HSD17B13: variants seen among roughly 807,000 people sequenced by gnomAD.
HSD17B13 encodes hydroxysteroid 17-beta dehydrogenase 13.
A neutral mutation model predicts 31.1 loss-of-function variants in HSD17B13; 26 were observed. The ratio of observed to expected loss-of-function variants is 0.84; its 90% CI spans 0.61 to 1.16. The LOEUF is 1.16. Among genes scored for constraint, HSD17B13 ranks in the 50% most tolerant of loss-of-function variants. The pLI is 0.00. For missense variants in HSD17B13, 374 were observed against 366.5 expected, an observed-to-expected ratio of 1.02 and a Z score of -0.17; for synonymous variants, 141 against 133.7, an observed-to-expected ratio of 1.05 and a Z score of -0.38.
At chr4:87,308,388 G>T (rs933038024) in intron 6 of HSD17B13, among the ~76,000 whole-genome samples, 1 of 149,286 alleles carries the variant, frequency 6.7e-6, no homozygotes, top group Non-Finnish European at 1.5e-5. Flanking sequence ...GGTGGCTCAC[G>T]CCTGTAATCC....
intron 1 of HSD17B13, among the ~76,000 whole-genome samples, chr4:87,322,314 T>G (rs1734807069): frequency 6.6e-6 from 1 of 152,174 alleles, no homozygotes; most frequent in African/African-American, 2.4e-5. Flanking sequence ...GCCCATCCCC[T>G]AAGTTATTAT....
intron 2 of HSD17B13, among the ~76,000 whole-genome samples, chr4:87,317,743 C>T (rs139379809): frequency 6.6e-6 from 1 of 151,482 alleles, no homozygotes; most frequent in East Asian, 1.9e-4. Context: ...GTTTCATAAC[C>T]TAATAACTAC....
At position 87,309,308 on chromosome 4, in the gene HSD17B13, C is replaced by T. The variant is rs78707818; in HGVS notation, c.812+935G>A. Among the ~76,000 whole-genome samples, 2,989 of 141,860 alleles carry T rather than the reference C, an allele frequency of 0.021. 251 individuals are homozygous for T. In the East Asian group the frequency reaches 0.29, roughly 14 times the overall value. The allele number at this position is 141,860 out of a possible 152,430, so 93.1% of individuals were successfully genotyped here. The stretch of plus-strand genomic sequence containing the variant: ...CTGAGGCAGGAGAATCACTTGAAGC[C>T]AGGAGGCAGAAGCTGCAGTGAGCCA... On this transcript the variant is annotated intron_variant, in intron 6 of 6. Transcript: ENST00000328546.
At chr4:87,312,618 C>T (rs1214016671) in intron 5 of HSD17B13, among the ~76,000 whole-genome samples, 1 of 149,010 alleles carries the variant, frequency 6.7e-6, no homozygotes, top group East Asian at 2.0e-4. Context: ...CAAGCTCCGC[C>T]TCCCGGGTTC....
chr4:87,314,182 G>A (rs576757873), intron 4 of HSD17B13, among the ~76,000 whole-genome samples: 10 of 151,528 alleles, frequency 6.6e-5, no homozygotes, highest in African/African-American at 2.4e-4. Context: ...GATAACAAAA[G>A]AACAAAAATA....
At chr4:87,306,926 A>AG (rs1734403205) in intron 6 of HSD17B13, among the ~76,000 whole-genome samples, 1 of 150,714 alleles carries the variant, frequency 6.6e-6, no homozygotes, top group East Asian at 1.9e-4. Flanking sequence ...AAAAAAAAAA[A>AG]AAAAAAAAGG....
chr4:87,322,565 G>A (rs912135487), intron 1 of HSD17B13, 67 bp downstream of exon 1: 1 of 1,219,804 alleles, frequency 8.2e-7, no homozygotes, highest in Non-Finnish European at 1.2e-6. Flanking sequence ...TAGATGGTAA[G>A]TCAAATAATT....
At chr4:87,316,942 G>A (rs1015166307) in intron 3 of HSD17B13, 150 bp downstream of exon 3, 3 of 723,530 alleles carry the variant, frequency 4.1e-6, no homozygotes, top group African/African-American at 3.6e-5. Flanking sequence ...CAGAGACTCT[G>A]TGGCTCTTCT....
At chr4:87,312,650 C>G (rs560400384) in intron 5 of HSD17B13, among the ~76,000 whole-genome samples, 6 of 150,966 alleles carry the variant, frequency 4.0e-5, no homozygotes, top group Non-Finnish European at 8.9e-5. Flanking sequence ...CTGCCTCAGC[C>G]TCCCGCGCAG....
chr4:87,307,744 G>C (rs1007346174), intron 6 of HSD17B13, among the ~76,000 whole-genome samples: 1 of 152,066 alleles, frequency 6.6e-6, no homozygotes, highest in African/African-American at 2.4e-5. Flanking sequence ...CAAGTGATCT[G>C]CCTGCTGTGG....
intron 1 of HSD17B13, among the ~76,000 whole-genome samples, chr4:87,320,781 T>A (rs1734769011): frequency 6.6e-6 from 1 of 152,212 alleles, no homozygotes; most frequent in Admixed American, 6.5e-5. Flanking sequence ...AACTCCAATG[T>A]GTTTTTTGAA....
intron 3 of HSD17B13, among the ~76,000 whole-genome samples, 186 bp downstream of exon 3, chr4:87,316,906 T>A (rs1448155607): frequency 6.6e-6 from 1 of 152,206 alleles, no homozygotes; most frequent in Non-Finnish European, 1.5e-5. Flanking sequence ...GTGTGTTGTG[T>A]CCACTTGAAT....
intron 5 of HSD17B13, among the ~76,000 whole-genome samples, chr4:87,312,518 CTTTTTTTTTTTT>C (rs747820120): frequency 3.6e-4 from 26 of 71,634 alleles, no homozygotes; most frequent in Admixed American, 1.6e-3. Flanking sequence ...ACCTTTAATT[CTTTTTTTTTTTT>C]TTTTTTTTTT....
Position 87,317,068 on chromosome 4 carries a change from G to T in HSD17B13, c.450+24C>A, listed in dbSNP as rs374101728. On this transcript the variant is annotated intron_variant, in intron 3 of 6. Coordinates refer to ENST00000328546, the MANE Select transcript of HSD17B13 (RefSeq NM_178135.5). ...ATCTTAAGAGAAGGTGCACAAATCA[G>T]AAATGTTTCTGACTCACACTCACCC... 2.8e-5 allele frequency: 45 copies of T among 1,611,682 alleles called. No individual in the cohort carries two copies. The African/African-American group carries it at 5.6e-4, about 20-fold the overall frequency.
chr4:87,310,471 T>G, intron 5 of HSD17B13, 112 bp from the exon 6 acceptor site: 1 of 1,173,948 alleles, frequency 8.5e-7, no homozygotes, highest in South Asian at 3.2e-5. Flanking sequence ...AATGAAGATT[T>G]AAAATATTCC....
intron 1 of HSD17B13, among the ~76,000 whole-genome samples, chr4:87,322,241 G>T (rs1350742245): frequency 1.3e-5 from 2 of 152,130 alleles, no homozygotes; most frequent in Non-Finnish European, 2.9e-5. Flanking sequence ...GGCACTAAAG[G>T]TTTCTGTTGC....
In HSD17B13 at chr4:87,318,417, G is replaced by T. The variant is rs755500015; in HGVS notation, c.230C>A (p.Ala77Glu). Reference protein sequence around the residue: ...DINKRGVEETAAECRKLGVTA... With the variant: ...DINKRGVEETEAECRKLGVTA... ...GACGCCTAGTTTTCGGCACTCAGCT[G>T]CAGTTTCCTCCACACCGCGCTGTAA... Residue 77 changes from alanine to glutamate, a missense_variant, in exon 2 of 7, where the codon GCA becomes GAA. By Grantham distance (107) the Ala-to-Glu change is moderately radical. Transcript: ENST00000328546. 6.2e-7 allele frequency: 1 copy of T among 1,614,064 alleles called. No individual in the cohort carries two copies. The highest frequency in any genetic ancestry group is 1.1e-5 in the South Asian group (1 of 91,084).
In HSD17B13 at chr4:87,311,371, G is replaced by T. The variant is rs551697956; in HGVS notation, c.696-1012C>A. ...TTGCTTTGCACTGTGGCCTTGCCCCGAATTATTTCTTGCGAGAAATCTAAG... is the reference window on the plus strand; with the variant it reads ...TTGCTTTGCACTGTGGCCTTGCCCCTAATTATTTCTTGCGAGAAATCTAAG... On this transcript the variant is annotated intron_variant, in intron 5 of 6. Coordinates refer to ENST00000328546, the MANE Select transcript of HSD17B13 (RefSeq NM_178135.5). Among the ~76,000 whole-genome samples the T allele has an allele frequency of 3.9e-5, 6 of 152,172 alleles. No individual in the cohort carries two copies. The East Asian group carries it at 9.7e-4, about 24-fold the overall frequency.
At chr4:87,308,511 A>T (rs1478759205) in intron 6 of HSD17B13, among the ~76,000 whole-genome samples, 12 of 107,322 alleles carry the variant, frequency 1.1e-4, no homozygotes, top group African/African-American at 6.0e-4. Flanking sequence ...AAAAAAAAAA[A>T]AAAAAAAAAA....
Sources: allele counts gnomAD v4.1 joint callset (sites outside exome capture counted in the v4.1 genomes callset), GRCh38; gene constraint gnomAD v4.1.1; transcripts MANE v1.5; gene names NCBI Gene and HGNC (gene_info 2026-07-23, HGNC 2026-07-21).